TMEM151B: variants seen among roughly 807,000 people sequenced by gnomAD.
TMEM151B encodes transmembrane protein 193.
In TMEM151B, 18 loss-of-function variants were observed where a neutral mutation model predicts 33.0. That is an observed-to-expected ratio of 0.55 (90% CI 0.38 to 0.81). The LOEUF (loss-of-function observed/expected upper bound fraction) is 0.81. TMEM151B is among the 30% of genes least tolerant of loss of function. The probability of loss-of-function intolerance (pLI) is 0.00; values close to 1 mark genes in which losing one functional copy is unlikely to be tolerated. For synonymous variants in TMEM151B, 354 were observed against 373.6 expected (o/e 0.95, Z 0.61); for missense variants, 672 against 843.4 (o/e 0.80, Z 2.52).
At chr6:44,274,137 C>T (rs545985372) in intron 2 of TMEM151B, among the ~76,000 whole-genome samples, 1 of 152,156 alleles carries the variant, frequency 6.6e-6, no homozygotes, top group East Asian at 1.9e-4. Flanking sequence ...ATCGCTTGAG[C>T]CTGGGCAGTT....
At position 44,275,902 on chromosome 6, in the gene TMEM151B, C is replaced by T. The variant is rs1222177039; in HGVS notation, c.1076C>T (p.Thr359Ile). 6.5e-6 allele frequency: 10 copies of T among 1,530,958 alleles called. No individual in the cohort carries two copies. Among genetic ancestry groups the T allele is most frequent in the Non-Finnish European group, 8.8e-6 (10 of 1,138,582 alleles). 94.8% of individuals were successfully genotyped at this position (1,530,958 alleles called of 1,614,324 possible). A position where few individuals can be genotyped will look rare whatever the true frequency, so the allele number is the denominator to read the frequency against. The change falls in exon 3 of 3, where the codon ACC becomes ATC. Residue 359 changes from threonine to isoleucine, a missense_variant. By Grantham distance (89) the Thr-to-Ile change is moderately conservative. Transcript: ENST00000451188. ...AGCGATGAGCTGCTGCCCCCGCTCA[C>T]CCACCGCCTGCCGCGGGTCAACACA... ...SPSDELLPPLTHRLPRVNTVD... is the reference protein window; with the variant it reads ...SPSDELLPPLIHRLPRVNTVD...
At chr6:44,271,091 G>A (rs939152129) in intron 1 of TMEM151B, among the ~76,000 whole-genome samples, 7 of 151,246 alleles carry the variant, frequency 4.6e-5, no homozygotes, top group Admixed American at 2.0e-4. Flanking sequence ...GGGGCTCAGG[G>A]GTCCCGGGCA....
Position 44,276,478 on chromosome 6 carries a change from G to A in TMEM151B, c.1652G>A (p.Ser551Asn). Residue 551 changes from serine (S) to asparagine (N), a missense_variant, in exon 3 of 3, where the codon AGC becomes AAC. By Grantham distance (46) the Ser-to-Asn change is conservative. This residue lies in a region of TMEM151B where 324 missense variants were observed against 363.1 expected (regional missense o/e 0.89). Coordinates refer to ENST00000451188, the MANE Select transcript of TMEM151B (RefSeq NM_001137560.2). ...VHRQEGCLGHSHRPLHRHGSC... is the reference protein window; with the variant it reads ...VHRQEGCLGHNHRPLHRHGSC... Reference sequence around the variant, plus strand: ...CGGCAGGAGGGGTGTCTGGGCCACAGCCACCGGCCGCTGCACCGCCACGGC... The same window carrying A: ...CGGCAGGAGGGGTGTCTGGGCCACAACCACCGGCCGCTGCACCGCCACGGC... 1 of 1,450,262 alleles carries A rather than the reference G, an allele frequency of 6.9e-7. No individual in the cohort carries two copies. Among genetic ancestry groups the A allele is most frequent in the East Asian group, 2.9e-5 (1 of 35,066 alleles). 89.8% of individuals were successfully genotyped at this position (1,450,262 alleles called of 1,614,324 possible). A position where few individuals can be genotyped will look rare whatever the true frequency, so the allele number is the denominator to read the frequency against.
At chr6:44,271,883 TGTGTGTGTGTGTG>T (rs1782372220) in intron 1 of TMEM151B, among the ~76,000 whole-genome samples, 1 of 35,852 alleles carries the variant, frequency 2.8e-5, no homozygotes, top group African/African-American at 1.1e-4. Flanking sequence ...CAGGAGGTTG[TGTGTGTGTGTGTG>T]TGTGTGTGTG....
In TMEM151B at chr6:44,275,954, C is replaced by A; in HGVS notation, c.1128C>A (p.His376Gln). The A allele has an allele frequency of 6.8e-7, 1 of 1,475,292 alleles. No individual in the cohort carries two copies. The highest frequency in any genetic ancestry group is 1.3e-5 in the South Asian group (1 of 74,364). The allele number at this position is 1,475,292 out of a possible 1,614,324, so 91.4% of individuals were successfully genotyped here. ...NTVDSTELEW[H>Q]IRSNQQLVPS... ...TAGACAGCACGGAGCTCGAGTGGCACATCCGCTCCAACCAGCAGCTGGTGC... is the reference window on the plus strand; with the variant it reads ...TAGACAGCACGGAGCTCGAGTGGCAAATCCGCTCCAACCAGCAGCTGGTGC... Residue 376 changes from histidine (H) to glutamine (Q), a missense_variant, in exon 3 of 3, where the codon CAC (histidine) becomes CAA (glutamine). Around this residue, in one of 3 missense-constraint regions of TMEM151B, gnomAD observed 324 missense variants for 363.1 expected, o/e 0.89. Transcript: ENST00000451188.
At chr6:44,274,064 G>A (rs1465877967) in intron 2 of TMEM151B, among the ~76,000 whole-genome samples, 1 of 152,028 alleles carries the variant, frequency 6.6e-6, no homozygotes, top group Non-Finnish European at 1.5e-5. Context: ...ATAATAAAAA[G>A]AAGTAGCTGG....
intron 1 of TMEM151B, among the ~76,000 whole-genome samples, chr6:44,271,369 G>T (rs1561916692): frequency 3.6e-5 from 1 of 27,956 alleles, no homozygotes; most frequent in African/African-American, 9.8e-5. Flanking sequence ...GTGTGTGTGT[G>T]GGGGGGGGTG....
Position 44,276,071 on chromosome 6 carries a change from C to A in TMEM151B, c.1245C>A (p.Tyr415Ter). 7.5e-7 allele frequency: 1 copy of A among 1,331,754 alleles called. No homozygotes were observed. Among genetic ancestry groups the A allele is most frequent in the Non-Finnish European group, 9.5e-7 (1 of 1,048,768 alleles). 82.5% of individuals were successfully genotyped at this position (1,331,754 alleles called of 1,614,324 possible). ...GCGGCTACGCGCCCTCGTGCCGCTA[C>A]GGTGGGGTAGGCGGCCCGGGCGCGG... is the stretch of plus-strand genomic sequence containing the variant. ...AGGGYAPSCR[Y>*]GGVGGPGAAG... Residue 415 changes from tyrosine to a stop codon, truncating the protein, a stop_gained, in exon 3 of 3, where the codon TAC (tyrosine) becomes TAA (stop). Coordinates refer to ENST00000451188, the MANE Select transcript of TMEM151B (RefSeq NM_001137560.2). LOFTEE classifies it low-confidence loss of function (END_TRUNC).
At chr6:44,274,797 C>A (rs371070588) in intron 2 of TMEM151B, among the ~76,000 whole-genome samples, 1 of 152,282 alleles carries the variant, frequency 6.6e-6, no homozygotes, top group East Asian at 1.9e-4. Flanking sequence ...CAGGGCCTGA[C>A]CCCTAGAGGA....
rs1782593572 is a variant in TMEM151B, at chr6:44,276,453, C to T, written c.1627C>T (p.Arg543Trp). The change falls in exon 3 of 3, where the codon CGG (arginine) becomes TGG (tryptophan). Residue 543 changes from arginine to tryptophan, a missense_variant. Physicochemically the swap from Arg to Trp is moderately radical, Grantham distance 101. Around this residue, in one of 3 missense-constraint regions of TMEM151B, gnomAD observed 324 missense variants for 363.1 expected, o/e 0.89. Transcript: ENST00000451188. ...CTACTTTCCGGTCCTCATCGTCCAC[C>T]GGCAGGAGGGGTGTCTGGGCCACAG... Reference protein sequence around the residue: ...ALYFPVLIVHRQEGCLGHSHR... With the variant: ...ALYFPVLIVHWQEGCLGHSHR... 2 of 1,490,310 alleles carry T rather than the reference C, an allele frequency of 1.3e-6. No homozygotes were observed. The highest frequency in any genetic ancestry group is 1.8e-6 in the Non-Finnish European group (2 of 1,121,844). The allele number at this position is 1,490,310 out of a possible 1,614,324, so 92.3% of individuals were successfully genotyped here.
In TMEM151B at chr6:44,275,860, G is replaced by T. The variant is rs1036904083; in HGVS notation, c.1034G>T (p.Gly345Val). 2.6e-6 allele frequency: 4 copies of T among 1,541,692 alleles called. No homozygotes were observed. The African/African-American group carries it at 5.5e-5, about 21-fold the overall frequency. Residue 345 changes from glycine to valine, a missense_variant, in exon 3 of 3, where the codon GGC (glycine) becomes GTC (valine). Physicochemically the swap from Gly to Val is moderately radical, Grantham distance 109. This residue lies in a region of TMEM151B where 324 missense variants were observed against 363.1 expected (regional missense o/e 0.89). Transcript: ENST00000451188. ...LEGPGSASSAGGGLSPSDELL... is the reference protein window; with the variant it reads ...LEGPGSASSAVGGLSPSDELL... ...GGCCCGGGCTCGGCCAGCAGCGCAG[G>T]CGGTGGCCTCAGCCCCAGCGATGAG...
At position 44,276,583 on chromosome 6, in the gene TMEM151B, G is replaced by A; in HGVS notation, c.*56G>A. ...TCCCGCCTGCCCCTCGCCGGACTGTGCTCCCTCTGCGACGCAGGGCGAGTC... is the reference window on the plus strand; with the variant it reads ...TCCCGCCTGCCCCTCGCCGGACTGTACTCCCTCTGCGACGCAGGGCGAGTC... On this transcript the variant is annotated 3_prime_UTR_variant, in exon 3 of 3. Transcript: ENST00000451188. The A allele has an allele frequency of 7.6e-7, 1 of 1,318,164 alleles. No individual in the cohort carries two copies. The highest frequency in any genetic ancestry group is 9.7e-7 in the Non-Finnish European group (1 of 1,033,376). 81.7% of individuals were successfully genotyped at this position (1,318,164 alleles called of 1,614,324 possible). A position where few individuals can be genotyped will look rare whatever the true frequency, so the allele number is the denominator to read the frequency against.
At chr6:44,275,320 T>C (rs1322226743) in intron 2 of TMEM151B, 83 bp from the exon 3 acceptor site, 28 of 1,437,236 alleles carry the variant, frequency 1.9e-5, no homozygotes, top group African/African-American at 2.9e-5. Context: ...AGAGCACAGA[T>C]GGGGCGGGAA....
chr6:44,270,841 A>G lies in TMEM151B; in HGVS notation c.99A>G (p.Ala33=), dbSNP rs748439165. The stretch of plus-strand genomic sequence containing the variant: ...CGGAGGAGCTCACGGCGGCGGCGGC[A>G]GCGGCGGCGGCGGACGAGGGCCCCG... ...GVSEELTAAA[A]AAAADEGPAR... is the part of the protein sequence containing the mutation. Residue 33 remains alanine, a synonymous_variant, in exon 1 of 3, where the codon GCA becomes GCG. Transcript: ENST00000451188. The G allele has an allele frequency of 6.2e-5, 70 of 1,123,304 alleles. No homozygotes were observed. The South Asian group carries it at 2.1e-3, about 34-fold the overall frequency. The allele number at this position is 1,123,304 out of a possible 1,614,324, so 69.6% of individuals were successfully genotyped here.
At position 44,276,446 on chromosome 6, in the gene TMEM151B, C is replaced by G. The variant is rs1490478223; in HGVS notation, c.1620C>G (p.Ile540Met). 1 of 1,495,388 alleles carries G rather than the reference C, an allele frequency of 6.7e-7. No homozygotes were observed. Among genetic ancestry groups the G allele is most frequent in the Admixed American group, 2.1e-5 (1 of 47,574 alleles). The allele number at this position is 1,495,388 out of a possible 1,614,324, so 92.6% of individuals were successfully genotyped here. ...ACGCCCTCTACTTTCCGGTCCTCAT[C>G]GTCCACCGGCAGGAGGGGTGTCTGG... is the stretch of plus-strand genomic sequence containing the variant. The part of the protein sequence containing the change: ...YHDALYFPVL[I>M]VHRQEGCLGH... Residue 540 changes from isoleucine (I) to methionine (M), a missense_variant, in exon 3 of 3, where the codon ATC (isoleucine) becomes ATG (methionine). Ile to Met is a conservative substitution (Grantham distance 10, BLOSUM62 1). Coordinates refer to ENST00000451188, the MANE Select transcript of TMEM151B (RefSeq NM_001137560.2).
Position 44,275,551 on chromosome 6 carries a change from G to C in TMEM151B, c.725G>C (p.Ser242Thr). Residue 242 changes from serine (S) to threonine (T), a missense_variant, in exon 3 of 3, where the codon AGC becomes ACC. This residue lies in a region of TMEM151B where 285 missense variants were observed against 423.1 expected (regional missense o/e 0.67). Transcript: ENST00000451188. The part of the protein sequence containing the change: ...LRFTKCFSFA[S>T]VEAENAYLCQ... The stretch of plus-strand genomic sequence containing the variant: ...TTCACCAAGTGCTTCAGTTTCGCCA[G>C]CGTGGAGGCCGAGAACGCGTACCTG... The C allele has an allele frequency of 6.4e-7, 1 of 1,550,680 alleles. No homozygotes were observed. Among genetic ancestry groups the C allele is most frequent in the Non-Finnish European group, 8.7e-7 (1 of 1,146,636 alleles).
chr6:44,277,020 T>A lies in TMEM151B; in HGVS notation c.*493T>A, dbSNP rs932203936. 6.5e-6 allele frequency: 1 copy of A among 153,066 alleles called. No individual in the cohort carries two copies. The allele number at this position is 153,066 out of a possible 1,614,324, so 9.5% of individuals were successfully genotyped here. The stretch of plus-strand genomic sequence containing the variant: ...ATGGTTTGGTGACCAGCAGGCTGGA[T>A]TCCAACTAGCTAATGCATTCAGCAG... On this transcript the variant is annotated 3_prime_UTR_variant, in exon 3 of 3. Coordinates refer to ENST00000451188, the MANE Select transcript of TMEM151B (RefSeq NM_001137560.2).
chr6:44,275,117 CAAAAAAAAA>C (rs55699643), intron 2 of TMEM151B, among the ~76,000 whole-genome samples: 2 of 111,818 alleles, frequency 1.8e-5, no homozygotes, highest in African/African-American at 7.0e-5. Flanking sequence ...GACTCCATCT[CAAAAAAAAA>C]AAAAAAAAAA....
At position 44,276,443 on chromosome 6, in the gene TMEM151B, C is replaced by T. The variant is rs2153338497; in HGVS notation, c.1617C>T (p.Leu539=). 1.3e-6 allele frequency: 2 copies of T among 1,498,258 alleles called. No individual in the cohort carries two copies. The highest frequency in any genetic ancestry group is 1.4e-5 in the African/African-American group (1 of 70,314). The allele number at this position is 1,498,258 out of a possible 1,614,324, so 92.8% of individuals were successfully genotyped here. A position where few individuals can be genotyped will look rare whatever the true frequency, so the allele number is the denominator to read the frequency against. ...PYHDALYFPV[L]IVHRQEGCLG... ...ACGACGCCCTCTACTTTCCGGTCCT[C>T]ATCGTCCACCGGCAGGAGGGGTGTC... is the stretch of plus-strand genomic sequence containing the variant. Residue 539 remains leucine (L), a synonymous_variant, in exon 3 of 3, where the codon CTC becomes CTT. Transcript: ENST00000451188.
Sources: gnomAD v4.1 joint callset for allele counts (sites outside exome capture counted in the v4.1 genomes callset) on GRCh38, gnomAD v4.1.1 for gene constraint, gnomAD v4.1.1 regional missense constraint, MANE v1.5 for transcripts, NCBI Gene and HGNC (gene_info 2026-07-23, HGNC 2026-07-21) for gene names.